Variants in MAST2 observed in about 807,000 individuals in gnomAD.
MAST2 encodes microtubule-associated serine/threonine-protein kinase 2.
MAST2 carries 70 observed loss-of-function variants against 147.4 expected under a neutral mutation model. That is an observed-to-expected ratio of 0.47 (90% confidence interval 0.39 to 0.58). The LOEUF (loss-of-function observed/expected upper bound fraction) is 0.58. Among genes scored for constraint, MAST2 ranks in the 20% least tolerant of loss-of-function variants. The probability of loss-of-function intolerance (pLI) is 0.00; values close to 1 mark genes in which losing one functional copy is unlikely to be tolerated. For synonymous variants in MAST2, 869 were observed against 896.8 expected, an observed-to-expected ratio of 0.97 and a Z score of 0.55; for missense variants, 2,080 against 2,302.3, an observed-to-expected ratio of 0.90 and a Z score of 1.98.
intron 3 of MAST2, among the ~76,000 whole-genome samples, chr1:45,834,919 G>C (rs1423666648): frequency 1.3e-5 from 2 of 151,280 alleles, no homozygotes; most frequent in African/African-American, 2.4e-5. Context: ...GCCCAAGCCA[G>C]TTCTTCCTTG....
chr1:45,867,757 A>G (rs1570443538), intron 3 of MAST2, among the ~76,000 whole-genome samples: 1 of 152,170 alleles, frequency 6.6e-6, no homozygotes, highest in African/African-American at 2.4e-5. Flanking sequence ...AAGTAGGTGT[A>G]TGGCCAGGCT....
intron 15 of MAST2, 137 bp from the exon 16 acceptor site, chr1:46,025,540 G>T: frequency 9.8e-7 from 1 of 1,021,436 alleles, no homozygotes; most frequent in Non-Finnish European, 1.5e-6. Flanking sequence ...CAGCAAAGGG[G>T]CTAGAATCAG....
At chr1:46,030,435 CCAGGT>C in intron 21 of MAST2, 167 bp from the exon 22 acceptor site, 1 of 865,076 alleles carries the variant, frequency 1.2e-6, no homozygotes, top group South Asian at 1.7e-5. Context: ...ACATGAGATG[CCAGGT>C]CAGATCAGTG....
chr1:45,829,281 A>G (rs1162189174), intron 2 of MAST2, among the ~76,000 whole-genome samples, 158 bp from the exon 3 acceptor site: 1 of 152,130 alleles, frequency 6.6e-6, no homozygotes, highest in Non-Finnish European at 1.5e-5. Context: ...ACAATTTTTA[A>G]TGGATAGTTG....
intron 4 of MAST2, among the ~76,000 whole-genome samples, chr1:45,957,476 T>C (rs1659813434): frequency 6.6e-6 from 1 of 152,182 alleles, no homozygotes; most frequent in African/African-American, 2.4e-5. Flanking sequence ...AAATATGTTA[T>C]TTGTTTTCTA....
chr1:45,804,057 C>G lies in MAST2; in HGVS notation c.162C>G (p.Pro54=). The change falls in exon 1 of 29, where the codon CCC becomes CCG. Residue 54 remains proline, a synonymous_variant. Transcript: ENST00000361297. ...AGGAGCGGACGGGCCCCGCGGGGCCCGAGGGCAAGGAGCAGGTAGGGCGGG... is the reference window on the plus strand; with the variant it reads ...AGGAGCGGACGGGCCCCGCGGGGCCGGAGGGCAAGGAGCAGGTAGGGCGGG... ...RLEERTGPAG[P]EGKEQDVVTG... 3.2e-6 allele frequency: 4 copies of G among 1,262,094 alleles called. No homozygotes were observed. Among genetic ancestry groups the G allele is most frequent in the Non-Finnish European group, 3.0e-6 (3 of 996,194 alleles). The allele number at this position is 1,262,094 out of a possible 1,614,324, so 78.2% of individuals were successfully genotyped here.
chr1:45,805,621 A>G (rs1644119663), intron 1 of MAST2, among the ~76,000 whole-genome samples: 2 of 152,096 alleles, frequency 1.3e-5, no homozygotes, highest in African/African-American at 2.4e-5. Context: ...TGCGTATTTC[A>G]TGGTAGAGTT....
At chr1:45,821,963 A>C (rs1448443353) in intron 1 of MAST2, among the ~76,000 whole-genome samples, 1 of 121,234 alleles carries the variant, frequency 8.2e-6, no homozygotes, top group African/African-American at 3.3e-5. Flanking sequence ...ATTTCTGCTC[A>C]CTGCAACCTC....
At chr1:46,010,181 C>T (rs1645655292) in intron 9 of MAST2, among the ~76,000 whole-genome samples, 2 of 152,152 alleles carry the variant, frequency 1.3e-5, no homozygotes, top group Non-Finnish European at 1.5e-5. Context: ...CTCTCTCTCA[C>T]TTAACAAACT....
intron 4 of MAST2, chr1:45,913,493 G>A (rs371195330): frequency 1.4e-6 from 1 of 716,186 alleles, no homozygotes; most frequent in Non-Finnish European, 1.7e-6. Context: ...AGGGAGTTTG[G>A]TGCTTGTCAC....
At chr1:46,033,399 A>C (rs376286522) in intron 26 of MAST2, among the ~76,000 whole-genome samples, 4 of 151,672 alleles carry the variant, frequency 2.6e-5, no homozygotes, top group African/African-American at 9.7e-5. Context: ...AGATCGCACC[A>C]CTGCACTCCA....
chr1:46,034,910 C>A lies in MAST2; in HGVS notation c.4241C>A (p.Ala1414Glu). 6.2e-7 allele frequency: 1 copy of A among 1,614,188 alleles called. No homozygotes were observed. Among genetic ancestry groups the A allele is most frequent in the East Asian group, 2.2e-5 (1 of 44,882 alleles). ...CAGTCGGCTGAGAAACTGGCAGCAG[C>A]ACTTGCCGCCTCTGAGAAGAAGCTA... ...RVQSAEKLAA[A>E]LAASEKKLAT... is the part of the protein sequence containing the mutation. Residue 1414 changes from alanine (A) to glutamate (E), a missense_variant, in exon 29 of 29, where the codon GCA becomes GAA. By Grantham distance (107) the Ala-to-Glu change is moderately radical. Coordinates refer to ENST00000361297, the MANE Select transcript of MAST2 (RefSeq NM_015112.3).
intron 1 of MAST2, among the ~76,000 whole-genome samples, chr1:45,815,948 A>G (rs1644437749): frequency 6.6e-6 from 1 of 152,208 alleles, no homozygotes; most frequent in Non-Finnish European, 1.5e-5. Context: ...AGTCCCTGCC[A>G]CAGGACTCAA....
chr1:45,874,667 G>T (rs1235476534), intron 3 of MAST2, among the ~76,000 whole-genome samples: 1 of 152,174 alleles, frequency 6.6e-6, no homozygotes, highest in African/African-American at 2.4e-5. Context: ...TATTCATCCA[G>T]TATTCATTTG....
chr1:45,862,550 A>G (rs939792715), intron 3 of MAST2, among the ~76,000 whole-genome samples: 4 of 148,170 alleles, frequency 2.7e-5, no homozygotes, highest in Non-Finnish European at 4.4e-5. Context: ...CAGCTCTGCA[A>G]CCTCTGCCTC....
intron 4 of MAST2, among the ~76,000 whole-genome samples, chr1:45,958,505 T>TCTCC (rs772062726): frequency 4.3e-4 from 65 of 151,230 alleles, no homozygotes; most frequent in Non-Finnish European, 7.8e-4. Flanking sequence ...CTTTTCTCCC[T>TCTCC]CTCCCTCCCT....
chr1:45,907,094 A>T (rs1012832622), intron 4 of MAST2, among the ~76,000 whole-genome samples: 2 of 152,190 alleles, frequency 1.3e-5, no homozygotes. Context: ...ATACTCCATG[A>T]TGTTCACATA....
Position 45,906,078 on chromosome 1 carries a change from A to G in MAST2, c.500+23683A>G, listed in dbSNP as rs868629344. Among the ~76,000 whole-genome samples, 4 of 152,114 alleles carry G rather than the reference A, an allele frequency of 2.6e-5. No homozygotes were observed. The South Asian group carries it at 6.2e-4, about 24-fold the overall frequency. On this transcript the variant is annotated intron_variant, in intron 4 of 28. Transcript: ENST00000361297. ...TATGTTTTTCCTGTCCTTATTTGCC[A>G]TTTGTGAATCTTTTGTGAAATGTGT...
intron 3 of MAST2, among the ~76,000 whole-genome samples, chr1:45,835,268 G>A (rs1373255242): frequency 6.6e-6 from 1 of 152,000 alleles, no homozygotes; most frequent in Non-Finnish European, 1.5e-5. Flanking sequence ...AAAGTTATCA[G>A]GAAAGTAAGA....
Sources: gnomAD v4.1 joint callset for allele counts (sites outside exome capture counted in the v4.1 genomes callset) on GRCh38, gnomAD v4.1.1 for gene constraint, MANE v1.5 for transcripts, NCBI Gene and HGNC (gene_info 2026-07-23, HGNC 2026-07-21) for gene names.